The following DIAPH3 variants were observed in gnomAD, a reference collection of about 807,000 sequenced individuals.
The protein encoded by DIAPH3 is diaphanous related formin 3.
A neutral mutation model predicts 144.3 loss-of-function variants in DIAPH3; 117 were observed. That is an observed-to-expected ratio of 0.81 (90% CI 0.70 to 0.95). The LOEUF is 0.95. DIAPH3 is among the 40% of genes least tolerant of loss of function. The probability of loss-of-function intolerance (pLI) is 0.00; values close to 1 mark genes in which losing one functional copy is unlikely to be tolerated. For missense variants in DIAPH3, 1,421 were observed against 1,412.7 expected (o/e 1.01, Z -0.09); for synonymous variants, 519 against 488.9 (o/e 1.06, Z -0.81).
At chr13:59,956,967 T>G (rs575695917) in intron 17 of DIAPH3, among the ~76,000 whole-genome samples, 1 of 152,268 alleles carries the variant, frequency 6.6e-6, no homozygotes, top group South Asian at 2.1e-4. Context: ...TTTGGCCAAT[T>G]TCTCCCATTT....
At chr13:59,768,507 C>T (rs1021023756) in intron 27 of DIAPH3, among the ~76,000 whole-genome samples, 3 of 151,996 alleles carry the variant, frequency 2.0e-5, no homozygotes, top group African/African-American at 7.2e-5. Context: ...CCTAATTCTG[C>T]CTAAAGACAA....
intron 5 of DIAPH3, among the ~76,000 whole-genome samples, chr13:60,038,008 A>G (rs1183297605): frequency 6.6e-6 from 1 of 152,100 alleles, no homozygotes; most frequent in Admixed American, 6.5e-5. Context: ...CAGTTCAAAA[A>G]CATATAAAAC....
At chr13:59,841,660 G>C (rs1436735456) in intron 22 of DIAPH3, among the ~76,000 whole-genome samples, 1 of 152,016 alleles carries the variant, frequency 6.6e-6, no homozygotes, top group Non-Finnish European at 1.5e-5. Flanking sequence ...CTATAAATTA[G>C]GTTCAAAAAA....
chr13:59,883,425 A>G (rs914640939), intron 20 of DIAPH3, among the ~76,000 whole-genome samples: 1 of 152,076 alleles, frequency 6.6e-6, no homozygotes, highest in African/African-American at 2.4e-5. Context: ...AACATGGCAC[A>G]CCTCAGAAGG....
chr13:59,892,019 A>G (rs1222595568), intron 20 of DIAPH3, among the ~76,000 whole-genome samples: 2 of 151,962 alleles, frequency 1.3e-5, no homozygotes, highest in Non-Finnish European at 2.9e-5. Flanking sequence ...AAACAAACAA[A>G]CAAGCAACAA....
chr13:60,023,474 C>G (rs948942057), intron 5 of DIAPH3, among the ~76,000 whole-genome samples: 4 of 151,296 alleles, frequency 2.6e-5, no homozygotes, highest in African/African-American at 9.7e-5. Context: ...TACCCTGTCT[C>G]CCAAACTGGA....
chr13:59,842,228 G>A (rs1478531647), intron 22 of DIAPH3, among the ~76,000 whole-genome samples: 1 of 151,718 alleles, frequency 6.6e-6, no homozygotes, highest in Non-Finnish European at 1.5e-5. Context: ...TTATTTTTAA[G>A]TACTATATAT....
intron 3 of DIAPH3, among the ~76,000 whole-genome samples, chr13:60,100,986 T>C (rs1052843106): frequency 6.6e-6 from 1 of 152,044 alleles, no homozygotes; most frequent in African/African-American, 2.4e-5. Flanking sequence ...TCTCCAACTG[T>C]TTACATTTCC....
intron 27 of DIAPH3, among the ~76,000 whole-genome samples, chr13:59,692,561 T>C (rs1368555967): frequency 6.6e-6 from 1 of 152,116 alleles, no homozygotes; most frequent in African/African-American, 2.4e-5. Flanking sequence ...GACAATGTTA[T>C]AGTCATAGAA....
At chr13:59,978,937 GTCT>G (rs1345428483) in intron 14 of DIAPH3, among the ~76,000 whole-genome samples, 1 of 151,552 alleles carries the variant, frequency 6.6e-6, no homozygotes, top group Non-Finnish European at 1.5e-5. Flanking sequence ...GACATTTCTG[GTCT>G]TCATTTTTCA....
intron 2 of DIAPH3, among the ~76,000 whole-genome samples, chr13:60,113,510 G>A (rs1316707685): frequency 6.6e-6 from 1 of 152,096 alleles, no homozygotes; most frequent in South Asian, 2.1e-4. Flanking sequence ...CTCACCCATG[G>A]TCCACCTAAC....
intron 21 of DIAPH3, among the ~76,000 whole-genome samples, chr13:59,863,966 C>A (rs1265057826): frequency 1.3e-5 from 2 of 152,056 alleles, no homozygotes; most frequent in Non-Finnish European, 1.5e-5. Flanking sequence ...AACATAGAAA[C>A]TCTAAATTCA....
intron 20 of DIAPH3, among the ~76,000 whole-genome samples, chr13:59,907,816 CATTTAT>C (rs1433240500): frequency 2.0e-5 from 3 of 152,302 alleles, no homozygotes; most frequent in African/African-American, 7.2e-5. Flanking sequence ...ACTACATATA[CATTTAT>C]GACTTAATTA....
At chr13:59,804,370 T>C (rs990604847) in intron 25 of DIAPH3, among the ~76,000 whole-genome samples, 1 of 152,182 alleles carries the variant, frequency 6.6e-6, no homozygotes, top group South Asian at 2.1e-4. Flanking sequence ...AAATCATCAG[T>C]GGTAAAATAT....
At chr13:60,147,156 T>C (rs919325505) in intron 1 of DIAPH3, 3 of 152,106 alleles carry the variant, frequency 2.0e-5, no homozygotes, top group African/African-American at 7.2e-5. Context: ...TGTAGGCAAA[T>C]GTCTGTCAGC....
intron 4 of DIAPH3, among the ~76,000 whole-genome samples, chr13:60,087,695 T>C (rs905389001): frequency 5.9e-5 from 9 of 151,958 alleles, no homozygotes; most frequent in African/African-American, 1.5e-4. Context: ...TTACATTCAG[T>C]TGGAAACCAG....
chr13:60,066,585 G>T (rs2056975068), intron 4 of DIAPH3, among the ~76,000 whole-genome samples: 1 of 152,158 alleles, frequency 6.6e-6, no homozygotes, highest in Non-Finnish European at 1.5e-5. Flanking sequence ...AGGATATATT[G>T]TGCTAGACTA....
At chr13:59,948,840 A>G (rs1007826107) in intron 17 of DIAPH3, among the ~76,000 whole-genome samples, 1 of 133,470 alleles carries the variant, frequency 7.5e-6, no homozygotes, top group African/African-American at 2.8e-5. Flanking sequence ...ATAAAAAGAA[A>G]GAAGGAAGGA....
At chr13:59,851,442 C>T (rs879744557) in intron 22 of DIAPH3, among the ~76,000 whole-genome samples, 15 of 152,104 alleles carry the variant, frequency 9.9e-5, no homozygotes, top group Non-Finnish European at 1.8e-4. Flanking sequence ...TCTAAAACTG[C>T]AAAAAACCCT....
Sources: gnomAD v4.1 joint callset for allele counts (sites outside exome capture counted in the v4.1 genomes callset) on GRCh38, gnomAD v4.1.1 for gene constraint, MANE v1.5 for transcripts, NCBI Gene and HGNC (gene_info 2026-07-23, HGNC 2026-07-21) for gene names.